GOLGA8B: variants seen among roughly 807,000 people sequenced by gnomAD.
GOLGA8B encodes golgin A8 family member B.
In GOLGA8B, 1 loss-of-function variant was observed where a neutral mutation model predicts 15.6. The observed-to-expected ratio is 0.06, with a 90% CI of 0.02 to 0.30. The LOEUF (loss-of-function observed/expected upper bound fraction) is 0.30. Ranked by LOEUF, GOLGA8B falls within the 10% of genes least tolerant of loss-of-function variation. The pLI, the probability that GOLGA8B is intolerant of heterozygous loss-of-function variation, is 1.00. For missense variants in GOLGA8B, 17 were observed against 201.3 expected (o/e 0.08, Z 5.54); for synonymous variants, 9 against 80.3 (o/e 0.11, Z 4.75).
At chr15:34,578,589 C>CGAAGTTAAGA (rs1186691651) in intron 1 of GOLGA8B, among the ~76,000 whole-genome samples, 1 of 152,186 alleles carries the variant, frequency 6.6e-6, no homozygotes, top group South Asian at 2.1e-4. Context: ...GCTACCTGTC[C>CGAAGTTAAGA]CCAGCCTCCT....
chr15:34,580,050 A>C (rs1345250517), intron 1 of GOLGA8B, among the ~76,000 whole-genome samples: 1 of 152,150 alleles, frequency 6.6e-6, no homozygotes, highest in Non-Finnish European at 1.5e-5. Flanking sequence ...CCAGGTGGGC[A>C]TCTGGGGGTG....
chr15:34,563,268 G>T (rs1396783693), intron 1 of GOLGA8B, among the ~76,000 whole-genome samples: 2 of 139,080 alleles, frequency 1.4e-5, no homozygotes, highest in Non-Finnish European at 3.3e-5. Context: ...TGTTTGCTGG[G>T]GTTCTGCTTA....
At chr15:34,574,708 A>C (rs1292163389) in intron 1 of GOLGA8B, 1 of 152,496 alleles carries the variant, frequency 6.6e-6, no homozygotes, top group African/African-American at 2.4e-5. Context: ...CAGCCCCAGC[A>C]GACAGGGATA....
At chr15:34,580,712 A>G (rs1233895616) in intron 1 of GOLGA8B, among the ~76,000 whole-genome samples, 1 of 152,100 alleles carries the variant, frequency 6.6e-6, no homozygotes, top group Admixed American at 6.5e-5. Flanking sequence ...GGGAAAGGAA[A>G]GAGCCGGAGA....
At chr15:34,554,487 G>A (rs552833707) in intron 1 of GOLGA8B, among the ~76,000 whole-genome samples, 19 of 130,848 alleles carry the variant, frequency 1.5e-4, no homozygotes, top group Non-Finnish European at 2.6e-4. Context: ...ACTACACCAC[G>A]CACACAAAAC....
Position 34,565,135 on chromosome 15 carries a change from C to CTTTT in GOLGA8B, c.-1122-11183_-1122-11180dup, listed in dbSNP as rs71119971. Among the ~76,000 whole-genome samples the CTTTT allele has an allele frequency of 1.9e-5, 2 of 106,936 alleles. 1 individual carries two copies. The allele number at this position is 106,936 out of a possible 152,430, so 70.2% of individuals were successfully genotyped here. A position where few individuals can be genotyped will look rare whatever the true frequency, so the allele number is the denominator to read the frequency against. On this transcript the variant is annotated intron_variant, in intron 1 of 23. Transcript: ENST00000683415. ...AGGTCAGCCTCTTAGATCCAGTTCTCTTTTTTTTTTTTTTTTTGAGACGGA... is the reference window on the plus strand; with the variant it reads ...AGGTCAGCCTCTTAGATCCAGTTCTCTTTTTTTTTTTTTTTTTTTTTGAGACGGA...
In GOLGA8B at chr15:34,563,900, T is replaced by C. The variant is rs547875779; in HGVS notation, c.-1122-9944A>G. On this transcript the variant is annotated intron_variant, in intron 1 of 23. Transcript: ENST00000683415. ...TATTTTTGCATTTTTACTTTTATATTAAATAAGATTATAGTTTTGTTTCCT... is the reference window on the plus strand; with the variant it reads ...TATTTTTGCATTTTTACTTTTATATCAAATAAGATTATAGTTTTGTTTCCT... 8.5e-4 allele frequency among the ~76,000 whole-genome samples: 122 copies of C among 143,186 alleles called. 4 individuals are homozygous for C. Among genetic ancestry groups the C allele is most frequent in the African/African-American group, 2.9e-3 (117 of 40,280 alleles). The allele number at this position is 143,186 out of a possible 152,430, so 93.9% of individuals were successfully genotyped here.
intron 1 of GOLGA8B, among the ~76,000 whole-genome samples, chr15:34,560,140 C>T (rs1050891687): frequency 6.0e-5 from 9 of 150,334 alleles, no homozygotes; most frequent in African/African-American, 2.0e-4. Flanking sequence ...CAGGCTGTGG[C>T]TTATAGTAAA....
chr15:34,577,916 T>A (rs74007870), intron 1 of GOLGA8B, among the ~76,000 whole-genome samples: 3,415 of 152,188 alleles, frequency 0.022, 131 homozygotes, highest in African/African-American at 0.079. Flanking sequence ...TACATTTTTT[T>A]AAAAAATAAA....
At chr15:34,578,466 G>T (rs1410972341) in intron 1 of GOLGA8B, among the ~76,000 whole-genome samples, 1 of 152,100 alleles carries the variant, frequency 6.6e-6, no homozygotes, top group Non-Finnish European at 1.5e-5. Context: ...GATACAAAAT[G>T]GGCCCCAGCA....
chr15:34,548,021 C>T (rs1888324094), intron 4 of GOLGA8B, among the ~76,000 whole-genome samples: 1 of 152,188 alleles, frequency 6.6e-6, no homozygotes, highest in South Asian at 2.1e-4. Context: ...ATAAATGATG[C>T]TACTCTGAAC....
In GOLGA8B at chr15:34,526,529, T is replaced by A. The variant is rs1262845163; in HGVS notation, c.*1103A>T. The A allele has an allele frequency of 3.4e-5, 5 of 148,680 alleles. 1 individual carries two copies. Among genetic ancestry groups the A allele is most frequent in the African/African-American group, 1.0e-4 (4 of 40,140 alleles). The allele number at this position is 148,680 out of a possible 1,614,324, so 9.2% of individuals were successfully genotyped here. On this transcript the variant is annotated 3_prime_UTR_variant, in exon 24 of 24. Transcript: ENST00000683415. ...TCCATGAACAGAGAGGAATGCCAGG[T>A]GTCACACAGCTTTCCTTCACTCTAA...
chr15:34,573,536 CAAAAAAAAAAA>C (rs60984933), intron 1 of GOLGA8B, among the ~76,000 whole-genome samples: 3 of 86,844 alleles, frequency 3.5e-5, no homozygotes, highest in Admixed American at 1.2e-4. Context: ...GACTCCGTCT[CAAAAAAAAAAA>C]AAAAAAAAAA....
At chr15:34,581,107 C>T (rs1333753525) in intron 1 of GOLGA8B, among the ~76,000 whole-genome samples, 2 of 152,224 alleles carry the variant, frequency 1.3e-5, no homozygotes, top group Admixed American at 1.3e-4. Flanking sequence ...CCACCGACCG[C>T]CAGTCCTGTC....
At chr15:34,564,250 A>C (rs1888696367) in intron 1 of GOLGA8B, among the ~76,000 whole-genome samples, 1 of 143,232 alleles carries the variant, frequency 7.0e-6, no homozygotes, top group African/African-American at 2.5e-5. Flanking sequence ...GGTTTAAATA[A>C]ATGTCCAATT....
intron 1 of GOLGA8B, among the ~76,000 whole-genome samples, chr15:34,564,355 T>TTAAAA (rs530527773): frequency 1.7e-3 from 184 of 105,424 alleles, no homozygotes; most frequent in South Asian, 9.1e-3. Context: ...TGTAGATTCT[T>TTAAAA]AAAAAAAAAA....
At chr15:34,579,082 A>G (rs1178058379) in intron 1 of GOLGA8B, among the ~76,000 whole-genome samples, 1 of 152,060 alleles carries the variant, frequency 6.6e-6, no homozygotes, top group Non-Finnish European at 1.5e-5. Flanking sequence ...CACAGGCAAG[A>G]GGCCTCATGC....
chr15:34,578,324 G>A (rs1330759936), intron 1 of GOLGA8B, among the ~76,000 whole-genome samples: 3 of 152,192 alleles, frequency 2.0e-5, no homozygotes, highest in South Asian at 2.1e-4. Flanking sequence ...AAGAGCTCAC[G>A]TCATCTGTGG....
At chr15:34,572,434 A>C (rs748962819) in intron 1 of GOLGA8B, among the ~76,000 whole-genome samples, 1 of 152,260 alleles carries the variant, frequency 6.6e-6, no homozygotes, top group Non-Finnish European at 1.5e-5. Flanking sequence ...AAACAGTCAC[A>C]TATTATGCAA....
Sources: gnomAD v4.1 joint callset for allele counts (sites outside exome capture counted in the v4.1 genomes callset) on GRCh38, gnomAD v4.1.1 for gene constraint, MANE v1.5 for transcripts, NCBI Gene and HGNC (gene_info 2026-07-23, HGNC 2026-07-21) for gene names.